The following SOX5 variants were observed in gnomAD, a reference collection of about 807,000 sequenced individuals.
SOX5 encodes transcription factor SOX-5.
In SOX5, 9 loss-of-function variants were observed where a neutral mutation model predicts 92.0. The ratio of observed to expected loss-of-function variants is 0.10; its 90% CI spans 0.06 to 0.17. SOX5 has a LOEUF of 0.17. Ranked by LOEUF, SOX5 falls within the 10% of genes least tolerant of loss-of-function variation. The pLI is 1.00. For synonymous variants in SOX5, 344 were observed against 336.3 expected (o/e 1.02, Z -0.25); for missense variants, 642 against 944.5 (o/e 0.68, Z 4.20).
At chr12:23,875,769 G>A (rs1347046732) in intron 2 of SOX5, among the ~76,000 whole-genome samples, 3 of 152,190 alleles carry the variant, frequency 2.0e-5, no homozygotes, top group Non-Finnish European at 2.9e-5. Flanking sequence ...TGTTTAAGCA[G>A]TGGATGCTGA....
chr12:23,917,881 G>A, intron 1 of SOX5, among the ~76,000 whole-genome samples: 1 of 152,092 alleles, frequency 6.6e-6, no homozygotes, highest in East Asian at 1.9e-4. Context: ...GTTGGGAAAT[G>A]GAAATTATAA....
At chr12:24,226,767 G>A (rs1449861706) in intron 3 of SOX5, among the ~76,000 whole-genome samples, 2 of 152,086 alleles carry the variant, frequency 1.3e-5, no homozygotes, top group Non-Finnish European at 2.9e-5. Flanking sequence ...CACCACGCCC[G>A]GCCTGTACAA....
chr12:24,068,992 A>G (rs867663194), intron 4 of SOX5, among the ~76,000 whole-genome samples: 3,566 of 142,480 alleles, frequency 0.025, 141 homozygotes, highest in African/African-American at 0.091. Flanking sequence ...GAATTTGGGA[A>G]AAAAAAAAAA....
intron 1 of SOX5, among the ~76,000 whole-genome samples, chr12:24,470,947 A>C (rs1282984440): frequency 6.6e-6 from 1 of 152,198 alleles, no homozygotes; most frequent in Non-Finnish European, 1.5e-5. Context: ...AATGGTAGCG[A>C]TTGTTATTAT....
chr12:23,777,975 T>G (rs548061520), intron 3 of SOX5, among the ~76,000 whole-genome samples: 1 of 152,238 alleles, frequency 6.6e-6, no homozygotes, highest in South Asian at 2.1e-4. Context: ...ATACTTTTCA[T>G]AAAATATGAA....
chr12:23,743,582 T>C (rs2093878808), intron 4 of SOX5, among the ~76,000 whole-genome samples: 1 of 152,170 alleles, frequency 6.6e-6, no homozygotes, highest in Non-Finnish European at 1.5e-5. Context: ...AGTGCTAGGA[T>C]TCATATTTTT....
In SOX5 at chr12:23,870,102, C is replaced by A. The variant is rs915986014; in HGVS notation, c.271-23909G>T. Among the ~76,000 whole-genome samples, 6 of 152,030 alleles carry A rather than the reference C, an allele frequency of 3.9e-5. No homozygotes were observed. The East Asian group carries it at 1.2e-3, about 29-fold the overall frequency. On this transcript the variant is annotated intron_variant, in intron 2 of 14. Transcript: ENST00000451604. Reference sequence around the variant, plus strand: ...CCTCATTCTTTCCCACAATTTTTTCCTATCATACTGTTACTCAGAATGCCC... The same window carrying A: ...CCTCATTCTTTCCCACAATTTTTTCATATCATACTGTTACTCAGAATGCCC...
intron 4 of SOX5, among the ~76,000 whole-genome samples, chr12:24,179,091 T>C (rs1955170075): frequency 6.6e-6 from 1 of 152,194 alleles, no homozygotes; most frequent in African/African-American, 2.4e-5. Context: ...TAATTAGATA[T>C]CTCAAATGTT....
intron 1 of SOX5, among the ~76,000 whole-genome samples, chr12:24,437,982 C>T (rs959999554): frequency 2.0e-4 from 30 of 152,146 alleles, no homozygotes; most frequent in Non-Finnish European, 2.5e-4. Flanking sequence ...CACATGCACA[C>T]GTATGTTTAC....
intron 4 of SOX5, among the ~76,000 whole-genome samples, chr12:24,140,073 G>C (rs1156774985): frequency 6.6e-6 from 1 of 152,092 alleles, no homozygotes; most frequent in Non-Finnish European, 1.5e-5. Context: ...AATTCACCCT[G>C]GTTGCGAAAA....
intron 9 of SOX5, among the ~76,000 whole-genome samples, chr12:23,586,379 G>T (rs1299276639): frequency 6.6e-6 from 1 of 151,922 alleles, no homozygotes; most frequent in East Asian, 1.9e-4. Context: ...CACTAGAAGA[G>T]AAAACATTTT....
intron 4 of SOX5, among the ~76,000 whole-genome samples, chr12:24,187,572 C>T (rs867884589): frequency 3.3e-5 from 5 of 152,248 alleles, no homozygotes; most frequent in East Asian, 1.9e-4. Context: ...TTTAAATTTA[C>T]GTCTCTATCC....
intron 3 of SOX5, among the ~76,000 whole-genome samples, chr12:24,240,014 C>T (rs939852): frequency 0.44 from 67,233 of 151,804 alleles, 15,443 homozygotes; most frequent in Non-Finnish European, 0.49. Context: ...TATCTTTTTA[C>T]ATACATAAAG....
intron 4 of SOX5, among the ~76,000 whole-genome samples, chr12:24,189,727 A>G (rs1424304334): frequency 6.6e-6 from 1 of 152,140 alleles, no homozygotes; most frequent in Non-Finnish European, 1.5e-5. Context: ...GTAAAGTCAT[A>G]TTGTGTCTTC....
intron 4 of SOX5, among the ~76,000 whole-genome samples, chr12:24,095,143 AGAGAG>A (rs1569540882): frequency 1.0e-4 from 14 of 133,582 alleles, no homozygotes; most frequent in African/African-American, 2.7e-4. Flanking sequence ...AGAGAGAGAG[AGAGAG>A]AGAGAGAGAC....
At chr12:24,465,108 C>T (rs11047461) in intron 1 of SOX5, among the ~76,000 whole-genome samples, 29,407 of 152,124 alleles carry the variant, frequency 0.19, 2,972 homozygotes, top group Middle Eastern at 0.26. Flanking sequence ...TCTCTCATTT[C>T]ATGTTACACA....
intron 4 of SOX5, among the ~76,000 whole-genome samples, chr12:24,087,996 C>A (rs1030412630): frequency 1.3e-5 from 2 of 151,924 alleles, no homozygotes; most frequent in African/African-American, 2.4e-5. Flanking sequence ...GAGTTTCTAA[C>A]GATATCTCAG....
At chr12:24,178,028 C>A (rs1955021334) in intron 4 of SOX5, among the ~76,000 whole-genome samples, 1 of 152,194 alleles carries the variant, frequency 6.6e-6, no homozygotes. Context: ...CTCTCCAGGG[C>A]AGTCCAGGAC....
intron 4 of SOX5, among the ~76,000 whole-genome samples, chr12:24,003,095 C>G (rs893838268): frequency 6.6e-6 from 1 of 151,988 alleles, no homozygotes; most frequent in African/African-American, 2.4e-5. Flanking sequence ...AAATTTTTGA[C>G]TAAACCCAAC....
Sources: gnomAD v4.1 joint callset for allele counts (sites outside exome capture counted in the v4.1 genomes callset) on GRCh38, gnomAD v4.1.1 for gene constraint, MANE v1.5 for transcripts, NCBI Gene and HGNC (gene_info 2026-07-23, HGNC 2026-07-21) for gene names.